Variants in MYO1E observed in about 807,000 individuals in gnomAD.
MYO1E encodes unconventional myosin-Ie.
Under a neutral mutation model 151.1 loss-of-function variants are expected in MYO1E, and 68 were observed. That is an observed-to-expected ratio of 0.45 (90% CI 0.37 to 0.55). The LOEUF is 0.55. Among genes scored for constraint, MYO1E ranks in the 20% least tolerant of loss-of-function variants. The pLI, the probability that MYO1E is intolerant of heterozygous loss-of-function variation, is 0.00. For missense variants in MYO1E, 1,363 were observed against 1,389.3 expected (o/e 0.98, Z 0.30); for synonymous variants, 601 against 501.7 (o/e 1.20, Z -2.64).
intron 6 of MYO1E, among the ~76,000 whole-genome samples, chr15:59,230,275 T>C (rs1452439726): frequency 6.6e-6 from 1 of 151,472 alleles, no homozygotes; most frequent in African/African-American, 2.4e-5. Flanking sequence ...TGTGTCTGAA[T>C]TGTCTCTTCC....
At chr15:59,250,644 G>C (rs577467648) in intron 4 of MYO1E, among the ~76,000 whole-genome samples, 2 of 152,200 alleles carry the variant, frequency 1.3e-5, no homozygotes, top group East Asian at 3.9e-4. Flanking sequence ...GGGGTAGTGG[G>C]AACCCCTGAA....
chr15:59,363,256 C>T (rs972236749), intron 1 of MYO1E, among the ~76,000 whole-genome samples: 22 of 152,136 alleles, frequency 1.4e-4, no homozygotes, highest in African/African-American at 5.3e-4. Flanking sequence ...GGATTACAGG[C>T]GTGAGCCACC....
chr15:59,271,281 G>A (rs1160256121), intron 2 of MYO1E: 9 of 152,204 alleles, frequency 5.9e-5, no homozygotes, highest in African/African-American at 1.2e-4. Flanking sequence ...AGCCACTGAT[G>A]TGAAAACTAT....
intron 12 of MYO1E, 116 bp downstream of exon 12, chr15:59,214,112 T>C (rs918545043): frequency 3.8e-6 from 3 of 780,068 alleles, no homozygotes; most frequent in Admixed American, 3.0e-5. Flanking sequence ...CTTTATTAGA[T>C]GCATTTCCTA....
chr15:59,162,573 G>C (rs1197908720), intron 23 of MYO1E, among the ~76,000 whole-genome samples: 2 of 151,324 alleles, frequency 1.3e-5, no homozygotes, highest in African/African-American at 4.9e-5. Flanking sequence ...TTGAACCTGG[G>C]AGGCAGAGGT....
chr15:59,318,014 G>A (rs1400711449), intron 1 of MYO1E, among the ~76,000 whole-genome samples: 1 of 152,186 alleles, frequency 6.6e-6, no homozygotes, highest in East Asian at 1.9e-4. Context: ...TGGTTCTCTA[G>A]TTCAGTGGGG....
intron 14 of MYO1E, chr15:59,207,948 A>G: frequency 5.6e-6 from 9 of 1,614,010 alleles, no homozygotes; most frequent in Non-Finnish European, 6.8e-6. Context: ...ATGAAGAAGT[A>G]TTCCTCAGTA....
At chr15:59,268,718 GTAT>G (rs1293779581) in intron 2 of MYO1E, among the ~76,000 whole-genome samples, 2 of 12,042 alleles carry the variant, frequency 1.7e-4, no homozygotes, top group African/African-American at 2.7e-4. Context: ...GGTGACTTTG[GTAT>G]TTTTTTTTTT....
intron 1 of MYO1E, among the ~76,000 whole-genome samples, chr15:59,327,902 G>A (rs994441152): frequency 1.3e-5 from 2 of 152,214 alleles, no homozygotes; most frequent in Non-Finnish European, 2.9e-5. Context: ...CATGTCTTGG[G>A]AAGGGCTGAA....
At chr15:59,222,549 T>C (rs889220647) in intron 9 of MYO1E, among the ~76,000 whole-genome samples, 1 of 152,208 alleles carries the variant, frequency 6.6e-6, no homozygotes, top group Non-Finnish European at 1.5e-5. Flanking sequence ...TCAATGTCCA[T>C]CTTTTTCTGT....
intron 1 of MYO1E, among the ~76,000 whole-genome samples, chr15:59,310,246 T>C (rs1282733379): frequency 6.6e-6 from 1 of 152,164 alleles, no homozygotes; most frequent in African/African-American, 2.4e-5. Flanking sequence ...CCTTGAGTCC[T>C]AAAATGATAA....
intron 18 of MYO1E, among the ~76,000 whole-genome samples, chr15:59,186,539 G>C (rs2079699108): frequency 6.6e-6 from 1 of 152,164 alleles, no homozygotes; most frequent in African/African-American, 2.4e-5. Context: ...GTTGAGGTGG[G>C]AGGATCACTT....
At chr15:59,342,844 A>C (rs1347999057) in intron 1 of MYO1E, among the ~76,000 whole-genome samples, 3 of 152,194 alleles carry the variant, frequency 2.0e-5, no homozygotes, top group African/African-American at 7.2e-5. Context: ...CCATTATTTT[A>C]AACTGATCAC....
intron 22 of MYO1E, among the ~76,000 whole-genome samples, chr15:59,168,004 T>G (rs1384226104): frequency 1.3e-5 from 2 of 152,134 alleles, no homozygotes; most frequent in African/African-American, 4.8e-5. Context: ...TAAGGATTTT[T>G]CCTGATCAAA....
rs2079359453 is a variant in MYO1E, at chr15:59,134,224, G to C, written c.*3156C>G. On this transcript the variant is annotated 3_prime_UTR_variant, in exon 28 of 28. Coordinates refer to ENST00000288235, the MANE Select transcript of MYO1E (RefSeq NM_004998.4). ...ATTGGGCTGGACTTGGTAGTAGTGG[G>C]GAGTCAGGTTTGATTACGATGGGCT... 6.6e-6 allele frequency: 1 copy of C among 152,370 alleles called. No homozygotes were observed. Among genetic ancestry groups the C allele is most frequent in the Non-Finnish European group, 1.5e-5 (1 of 68,098 alleles). The allele number at this position is 152,370 out of a possible 1,614,324, so 9.4% of individuals were successfully genotyped here.
chr15:59,188,514 G>A (rs1329084156), intron 17 of MYO1E, among the ~76,000 whole-genome samples: 3 of 151,962 alleles, frequency 2.0e-5, no homozygotes, highest in Non-Finnish European at 2.9e-5. Context: ...TGGCCAACAT[G>A]GTGAAACCCT....
At chr15:59,315,613 C>T (rs1166733415) in intron 1 of MYO1E, among the ~76,000 whole-genome samples, 2 of 151,218 alleles carry the variant, frequency 1.3e-5, no homozygotes, top group East Asian at 1.9e-4. Context: ...AGTTACTTAA[C>T]CTCTCTGTGC....
chr15:59,358,061 C>CA (rs1320360523), intron 1 of MYO1E, among the ~76,000 whole-genome samples: 1 of 152,126 alleles, frequency 6.6e-6, no homozygotes, highest in African/African-American at 2.4e-5. Flanking sequence ...ACAACTGCTG[C>CA]AAAAAACTGA....
At chr15:59,284,505 T>C (rs1226169622) in intron 1 of MYO1E, among the ~76,000 whole-genome samples, 2 of 151,948 alleles carry the variant, frequency 1.3e-5, no homozygotes, top group African/African-American at 4.8e-5. Context: ...GCTGGAGTGC[T>C]GTGGCGCAAA....
Sources: allele counts gnomAD v4.1 joint callset (sites outside exome capture counted in the v4.1 genomes callset), GRCh38; gene constraint gnomAD v4.1.1; transcripts MANE v1.5; gene names NCBI Gene and HGNC (gene_info 2026-07-23, HGNC 2026-07-21).